Variants in TOP2B observed in about 807,000 individuals in gnomAD.
TOP2B encodes DNA topoisomerase 2-beta.
In TOP2B, 51 loss-of-function variants were observed where a neutral mutation model predicts 193.5. The observed-to-expected ratio is 0.26, with a 90% CI of 0.21 to 0.33. The LOEUF is 0.33. TOP2B is among the 10% of genes least tolerant of loss of function. The probability of loss-of-function intolerance (pLI) is 1.00; values close to 1 mark genes in which losing one functional copy is unlikely to be tolerated. For missense variants in TOP2B, 1,378 were observed against 1,909.3 expected (o/e 0.72, Z 5.19); for synonymous variants, 634 against 635.7 (o/e 1.00, Z 0.04).
At chr3:25,626,530 TA>T (rs756079610) in intron 18 of TOP2B, 29 bp downstream of exon 18, 9 of 1,242,112 alleles carry the variant, frequency 7.2e-6, no homozygotes, top group Admixed American at 3.0e-5. Flanking sequence ...TAAATAACAT[TA>T]AAAAATGAGG....
At position 25,655,670 on chromosome 3, in the gene TOP2B, A is replaced by G. The variant is rs369078725; in HGVS notation, c.69+8559T>C. 1.3e-4 allele frequency among the ~76,000 whole-genome samples: 20 copies of G among 152,350 alleles called. No homozygotes were observed. The East Asian group carries it at 1.3e-3, about 10-fold the overall frequency. On this transcript the variant is annotated intron_variant, in intron 1 of 35. Transcript: ENST00000264331. ...GTATGAATGGATTTTTAAAATGCGT[A>G]TATAGATACAATGGAGTATTATGCA...
At chr3:25,633,721 C>T in intron 8 of TOP2B, 120 bp downstream of exon 8, 3 of 789,076 alleles carry the variant, frequency 3.8e-6, no homozygotes, top group Non-Finnish European at 5.6e-6. Context: ...TAAGTCAATT[C>T]TTATTTAACA....
rs756446533 is a variant in TOP2B, at chr3:25,645,926, AT to A, written c.70-457del. On this transcript the variant is annotated intron_variant, in intron 1 of 35. Coordinates refer to ENST00000264331, the MANE Select transcript of TOP2B (RefSeq NM_001330700.2). ...AGGTGCGCACCACTATGCCCAGGTA[AT>A]TTTTTTTTTTTTTTTGTATTTTTAG... 2.2e-3 allele frequency among the ~76,000 whole-genome samples: 309 copies of A among 140,388 alleles called. 1 individual carries two copies. The highest frequency in any genetic ancestry group is 2.6e-3 in the Admixed American group (36 of 14,116). 92.1% of individuals were successfully genotyped at this position (140,388 alleles called of 152,430 possible).
In TOP2B at chr3:25,620,700, T is replaced by C; in HGVS notation, c.2844A>G (p.Pro948=). ...CACTGACCTGTGTCCAAGTTCTAAC[T>C]GGAAGCTCTGTAATTTCTACTGTGT... ...DRNTVEITEL[P]VRTWTQVYKE... Residue 948 remains proline, a synonymous_variant, in exon 22 of 36, where the codon CCA becomes CCG. Coordinates refer to ENST00000264331, the MANE Select transcript of TOP2B (RefSeq NM_001330700.2). 6.2e-7 allele frequency: 1 copy of C among 1,612,648 alleles called. No individual in the cohort carries two copies. Among genetic ancestry groups the C allele is most frequent in the Admixed American group, 1.7e-5 (1 of 59,862 alleles).
At chr3:25,656,263 A>G (rs944361840) in intron 1 of TOP2B, among the ~76,000 whole-genome samples, 1 of 152,182 alleles carries the variant, frequency 6.6e-6, no homozygotes, top group African/African-American at 2.4e-5. Flanking sequence ...AATGGAAGTC[A>G]TTTGCAGATA....
chr3:25,608,984 A>G (rs1055005922), intron 30 of TOP2B, among the ~76,000 whole-genome samples, 199 bp downstream of exon 30: 1 of 152,188 alleles, frequency 6.6e-6, no homozygotes, highest in Non-Finnish European at 1.5e-5. Context: ...AAAAATCAGG[A>G]AAGAAACATG....
Position 25,664,330 on chromosome 3 carries a change from C to G in TOP2B, c.-33G>C. 6.9e-7 allele frequency: 1 copy of G among 1,441,378 alleles called. No individual in the cohort carries two copies. 89.3% of individuals were successfully genotyped at this position (1,441,378 alleles called of 1,614,324 possible). The stretch of plus-strand genomic sequence containing the variant: ...GCCTCCAGCTCACAGGCCCTGAGGC[C>G]GCAGCCGCCGCTCCCGCCTCCCTGC... On this transcript the variant is annotated 5_prime_UTR_variant, in exon 1 of 36. Coordinates refer to ENST00000264331, the MANE Select transcript of TOP2B (RefSeq NM_001330700.2).
In TOP2B at chr3:25,615,522, G is replaced by A; in HGVS notation, c.3416C>T (p.Ser1139Leu). ...TAAAATATAATTAAAATCTGGGCCT[G>A]AAGGAGTTCCTGAATCGGAGGAACT... Reference protein sequence around the residue: ...DDSSSDSGTPSGPDFNYILNM... With the variant: ...DDSSSDSGTPLGPDFNYILNM... Residue 1139 changes from serine (S) to leucine (L), a missense_variant, in exon 26 of 36, where the codon TCA becomes TTA. Ser to Leu is a moderately radical substitution (Grantham distance 145, BLOSUM62 -2). This residue lies in a region of TOP2B where 556 missense variants were observed against 584.2 expected (regional missense o/e 0.95). Transcript: ENST00000264331. The A allele has an allele frequency of 6.3e-7, 1 of 1,577,598 alleles. No homozygotes were observed. Among genetic ancestry groups the A allele is most frequent in the Non-Finnish European group, 8.6e-7 (1 of 1,161,260 alleles).
At chr3:25,638,034 A>G (rs994212806) in intron 5 of TOP2B, 131 bp downstream of exon 5, 1 of 889,102 alleles carries the variant, frequency 1.1e-6, no homozygotes, top group African/African-American at 1.7e-5. Flanking sequence ...CAATATTTAT[A>G]CATGATAGTT....
intron 4 of TOP2B, among the ~76,000 whole-genome samples, chr3:25,640,023 AAACTGGATC>A (rs1404565819): frequency 2.0e-5 from 3 of 151,710 alleles, no homozygotes; most frequent in South Asian, 2.1e-4. Context: ...ACAGCAGAGA[AAACTGGATC>A]AACTGGATCA....
At chr3:25,604,961 C>A in intron 32 of TOP2B, 91 bp from the exon 33 acceptor site, 1 of 827,456 alleles carries the variant, frequency 1.2e-6, no homozygotes, top group East Asian at 2.5e-5. Context: ...TTCCCTTTAG[C>A]TAGACAATTG....
intron 1 of TOP2B, among the ~76,000 whole-genome samples, chr3:25,653,362 A>C (rs1345187326): frequency 2.0e-5 from 3 of 152,088 alleles, no homozygotes; most frequent in Non-Finnish European, 4.4e-5. Flanking sequence ...TGATGCAAAA[A>C]ATCCCCCCAA....
In TOP2B at chr3:25,642,040, G is replaced by A. The variant is rs534308968; in HGVS notation, c.395+282C>T. On this transcript the variant is annotated intron_variant, in intron 4 of 35. Coordinates refer to ENST00000264331, the MANE Select transcript of TOP2B (RefSeq NM_001330700.2). The stretch of plus-strand genomic sequence containing the variant: ...CACACTAACAATAGCCCTTAGCCTT[G>A]AGTCCCAAAAGTAAGGGTAAGAAAA... 3.3e-5 allele frequency among the ~76,000 whole-genome samples: 5 copies of A among 152,186 alleles called. No homozygotes were observed. In the South Asian group the frequency reaches 6.2e-4, roughly 19 times the overall value.
chr3:25,606,182 G>T (rs1702232752), intron 31 of TOP2B, 60 bp from the exon 32 acceptor site: 2 of 776,284 alleles, frequency 2.6e-6, no homozygotes, highest in Non-Finnish European at 3.9e-6. Context: ...TTTCAATCCT[G>T]ATAAATTATA....
intron 1 of TOP2B, among the ~76,000 whole-genome samples, chr3:25,645,902 G>C (rs565014120): frequency 2.0e-5 from 3 of 151,850 alleles, no homozygotes; most frequent in African/African-American, 7.3e-5. Context: ...TGGGACTACA[G>C]GTGCGCACCA....
intron 20 of TOP2B, 81 bp downstream of exon 20, chr3:25,624,216 C>T (rs1702737467): frequency 8.1e-6 from 12 of 1,485,364 alleles, no homozygotes; most frequent in Non-Finnish European, 1.0e-5. Flanking sequence ...CATCTCTCCA[C>T]AGCTATAATT....
At chr3:25,652,029 G>C (rs1045596920) in intron 1 of TOP2B, among the ~76,000 whole-genome samples, 3 of 152,178 alleles carry the variant, frequency 2.0e-5, no homozygotes, top group African/African-American at 7.2e-5. Context: ...CAGAAAACTG[G>C]AATCTGAAGA....
rs373886372 is a variant in TOP2B, at chr3:25,599,429, G to T, written c.4710+6C>A. 3.7e-6 allele frequency: 6 copies of T among 1,612,108 alleles called. No homozygotes were observed. Among genetic ancestry groups the T allele is most frequent in the Non-Finnish European group, 5.1e-6 (6 of 1,178,940 alleles). ...TGCACTAATATGCAATGATGTTCCC[G>T]GTTACCTTGCTTGTTGTTTTGGATG... On this transcript the variant is annotated splice_donor_region_variant and intron_variant, in intron 35 of 35. Transcript: ENST00000264331.
At chr3:25,601,624 AT>A (rs932819560) in intron 33 of TOP2B, among the ~76,000 whole-genome samples, 7 of 152,120 alleles carry the variant, frequency 4.6e-5, no homozygotes, top group African/African-American at 1.7e-4. Context: ...AAAAAAAAAA[AT>A]TGAGTCGCCT....
Sources: allele counts gnomAD v4.1 joint callset (sites outside exome capture counted in the v4.1 genomes callset), GRCh38; gene constraint gnomAD v4.1.1; regional missense constraint gnomAD v4.1.1; transcripts MANE v1.5; gene names NCBI Gene and HGNC (gene_info 2026-07-23, HGNC 2026-07-21).